Variants in MTMR8 observed in about 807,000 individuals in gnomAD.
The protein encoded by MTMR8 is myotubularin related protein 8.
In MTMR8, 65 loss-of-function variants were observed where a neutral mutation model predicts 39.3. The observed-to-expected ratio is 1.65, with a 90% CI of 1.35 to 2.03. The LOEUF (loss-of-function observed/expected upper bound fraction) is 2.03. Ranked by LOEUF, MTMR8 falls within the 30% of genes most tolerant of loss-of-function variation. The probability of loss-of-function intolerance (pLI) is 0.00; values close to 1 mark genes in which losing one functional copy is unlikely to be tolerated. For missense variants in MTMR8, 777 were observed against 538.9 expected (o/e 1.44, Z -4.37); for synonymous variants, 245 against 185.2 (o/e 1.32, Z -2.62).
At chrX:64,280,344 T>C (rs1931975935) in intron 12 of MTMR8, among the ~76,000 whole-genome samples, 1 of 111,676 alleles carries the variant, frequency 9.0e-6, no homozygotes, top group South Asian at 3.7e-4. Flanking sequence ...AAAAAGATTA[T>C]CCACCACAAT....
intron 12 of MTMR8, among the ~76,000 whole-genome samples, chrX:64,299,571 C>T: frequency 1.3e-5 from 1 of 76,190 alleles, no homozygotes; most frequent in South Asian, 9.5e-4. Flanking sequence ...TTTTGTGTCT[C>T]TATTTCCTTC....
chrX:64,368,811 A>C (rs769685882), intron 1 of MTMR8, among the ~76,000 whole-genome samples: 5 of 112,323 alleles, frequency 4.5e-5, no homozygotes, highest in Non-Finnish European at 9.4e-5. Flanking sequence ...CTACCATCAG[A>C]GTGAACAGGC....
chrX:64,315,812 G>A (rs1302160279), intron 12 of MTMR8, among the ~76,000 whole-genome samples: 1 of 111,348 alleles, frequency 9.0e-6, no homozygotes, highest in Non-Finnish European at 1.9e-5. Flanking sequence ...TTCTTGTCAT[G>A]CCTTCCTGTG....
At chrX:64,341,240 A>T (rs1166655751) in intron 8 of MTMR8, among the ~76,000 whole-genome samples, 1 of 111,821 alleles carries the variant, frequency 8.9e-6, no homozygotes, top group Non-Finnish European at 1.9e-5. Context: ...GCACTTTGGG[A>T]GGCCAAGGCT....
At chrX:64,344,973 C>A (rs1425799797) in intron 7 of MTMR8, 72 bp downstream of exon 7, 2 of 1,112,904 alleles carry the variant, frequency 1.8e-6, no homozygotes, top group Non-Finnish European at 2.4e-6. Flanking sequence ...CACCCCAAAT[C>A]AGGCATGCTT....
rs375736465 is a variant in MTMR8 at position 64,348,711 on chromosome X, G to A, written c.681C>T (p.Ser227=). 2.5e-6 allele frequency: 3 copies of A among 1,208,666 alleles called. No homozygotes were observed. The highest frequency in any genetic ancestry group is 1.8e-5 in the African/African-American group (1 of 57,049). Residue 227 remains serine, a synonymous_variant, in exon 6 of 14, where the codon AGC becomes AGT. Transcript: ENST00000374852. ...VDDELLLEAI[S]QTNPGSQFMY... ...TAAACTGGCTCCCTGGGTTTGTTTG[G>A]CTAATGGCCTCCAACAAGAGCTCAT... is the stretch of plus-strand genomic sequence containing the variant.
chrX:64,301,866 G>A (rs973559780), intron 12 of MTMR8, among the ~76,000 whole-genome samples: 5 of 111,976 alleles, frequency 4.5e-5, no homozygotes, highest in Non-Finnish European at 9.4e-5. Flanking sequence ...GTGCCTCCCA[G>A]TTAGGCTGCT....
At chrX:64,340,103 C>T (rs780633223) in intron 8 of MTMR8, among the ~76,000 whole-genome samples, 5 of 111,449 alleles carry the variant, frequency 4.5e-5, no homozygotes, top group South Asian at 7.6e-4. Flanking sequence ...ATGACCGTGG[C>T]TAGCAGGGCA....
chrX:64,335,996 T>C (rs773108974), intron 10 of MTMR8, 83 bp downstream of exon 10: 72 of 673,938 alleles, frequency 1.1e-4, no homozygotes, highest in Non-Finnish European at 1.4e-4. Context: ...TTCCTTCCTT[T>C]ACATGTACAT....
chrX:64,364,347 ATACCTCATAC>A (rs1923884200), intron 1 of MTMR8, among the ~76,000 whole-genome samples: 1 of 112,082 alleles, frequency 8.9e-6, no homozygotes, highest in African/African-American at 3.2e-5. Context: ...GGGCCGAATG[ATACCTCATAC>A]AGGCGGGTGC....
chrX:64,366,905 A>C (rs1025892637), intron 1 of MTMR8, among the ~76,000 whole-genome samples: 1 of 112,077 alleles, frequency 8.9e-6, no homozygotes, highest in African/African-American at 3.2e-5. Flanking sequence ...GATGCAATAA[A>C]AAATGATAAA....
At chrX:64,318,647 G>A (rs1183099166) in intron 12 of MTMR8, among the ~76,000 whole-genome samples, 1 of 109,472 alleles carries the variant, frequency 9.1e-6, no homozygotes, top group African/African-American at 3.3e-5. Flanking sequence ...GGGGGAGTAG[G>A]AAAAATATGT....
chrX:64,341,274 T>A (rs1332059838), intron 8 of MTMR8, among the ~76,000 whole-genome samples: 1 of 110,606 alleles, frequency 9.0e-6, no homozygotes, highest in African/African-American at 3.3e-5. Context: ...AGGTCAGGAG[T>A]TCGAGACCAG....
intron 12 of MTMR8, among the ~76,000 whole-genome samples, chrX:64,277,501 T>C (rs1020010193): frequency 3.6e-5 from 4 of 111,972 alleles, no homozygotes; most frequent in African/African-American, 1.3e-4. Flanking sequence ...CCTTCACTTA[T>C]GAAGCTTAGT....
chrX:64,348,868 G>T lies in MTMR8; in HGVS notation c.598-74C>A. ...AAAAATCTTTCTTGACCCTTGCCAG[G>T]TTCCATGAGTAGAGGGAGAGGATGA... On this transcript the variant is annotated intron_variant, in intron 5 of 13. Transcript: ENST00000374852. The T allele has an allele frequency of 5.5e-6, 6 of 1,100,301 alleles. No homozygotes were observed. In the South Asian group the frequency reaches 7.9e-5, roughly 14 times the overall value. 90.7% of individuals were successfully genotyped at this position (1,100,301 alleles called of 1,213,427 possible). A position where few individuals can be genotyped will look rare whatever the true frequency, so the allele number is the denominator to read the frequency against.
intron 12 of MTMR8, among the ~76,000 whole-genome samples, chrX:64,280,424 A>T (rs1446549819): frequency 8.9e-6 from 1 of 112,276 alleles, no homozygotes; most frequent in Non-Finnish European, 1.9e-5. Context: ...AATTCATCAC[A>T]TAAACAGAAC....
At chrX:64,300,432 G>A (rs1459161736) in intron 12 of MTMR8, among the ~76,000 whole-genome samples, 2 of 111,055 alleles carry the variant, frequency 1.8e-5, no homozygotes, top group Non-Finnish European at 3.8e-5. Context: ...TTGCTTGGTA[G>A]AGCTTCCTCC....
At chrX:64,372,060 T>C (rs1274854165) in intron 1 of MTMR8, among the ~76,000 whole-genome samples, 5 of 108,632 alleles carry the variant, frequency 4.6e-5, no homozygotes, top group South Asian at 7.9e-4. Context: ...GAGAACATAA[T>C]GGAATGAAAA....
At chrX:64,278,430 T>C (rs1196456603) in intron 12 of MTMR8, among the ~76,000 whole-genome samples, 4 of 106,857 alleles carry the variant, frequency 3.7e-5, no homozygotes, top group African/African-American at 1.4e-4. Flanking sequence ...GATGTCCTTT[T>C]TGTTGATGTT....
Sources: gnomAD v4.1 joint callset for allele counts (sites outside exome capture counted in the v4.1 genomes callset) on GRCh38, gnomAD v4.1.1 for gene constraint, MANE v1.5 for transcripts, NCBI Gene and HGNC (gene_info 2026-07-23, HGNC 2026-07-21) for gene names.